Variants in DYNC2H1 observed in about 807,000 individuals in gnomAD.
The protein encoded by DYNC2H1 is dynein cytoplasmic 2 heavy chain 1.
A neutral mutation model predicts 570.0 loss-of-function variants in DYNC2H1; 410 were observed. The ratio of observed to expected loss-of-function variants is 0.72; its 90% CI spans 0.66 to 0.78. The LOEUF (loss-of-function observed/expected upper bound fraction) is 0.78, where lower values mean the gene tolerates loss of function less well. Ranked by LOEUF, DYNC2H1 falls within the 30% of genes least tolerant of loss-of-function variation. The pLI is 0.00. For missense variants in DYNC2H1, 4,865 were observed against 5,046.4 expected, an observed-to-expected ratio of 0.96 and a Z score of 1.09; for synonymous variants, 1,688 against 1,677.6, an observed-to-expected ratio of 1.01 and a Z score of -0.15.
rs377529350 is a variant in DYNC2H1, at chr11:103,113,632, T to A, written c.291T>A (p.Val97=). ...AGAATCTACATGATAACATTCTTGT[T>A]TCATCTATGTTAGAGTCACCTATTA... The part of the protein sequence containing the change: ...TDENLHDNIL[V]SSMLESPISS... The change falls in exon 2 of 89, where the codon GTT becomes GTA. Residue 97 remains valine (V), a synonymous_variant. Coordinates refer to ENST00000375735, the MANE Select transcript of DYNC2H1 (RefSeq NM_001377.3). The A allele has an allele frequency of 7.7e-5, 122 of 1,575,934 alleles. No individual in the cohort carries two copies. The highest frequency in any genetic ancestry group is 1.0e-4 in the Non-Finnish European group (118 of 1,166,528).
At chr11:103,459,308 CAAAAAAAA>C (rs33941099) in intron 87 of DYNC2H1, among the ~76,000 whole-genome samples, 109 of 52,436 alleles carry the variant, frequency 2.1e-3, no homozygotes, top group Admixed American at 8.3e-3. Context: ...GACTCCGTCT[CAAAAAAAA>C]AAAAAAAAAA....
At chr11:103,331,195 TAAAA>T (rs1938769790) in intron 82 of DYNC2H1, among the ~76,000 whole-genome samples, 1 of 152,154 alleles carries the variant, frequency 6.6e-6, no homozygotes, top group African/African-American at 2.4e-5. Context: ...AATAAATAGT[TAAAA>T]AATAAATTCT....
In DYNC2H1 at chr11:103,243,983, G is replaced by A. The variant is rs1200253314; in HGVS notation, c.9918+192G>A. Among the ~76,000 whole-genome samples the A allele has an allele frequency of 6.6e-6, 1 of 152,030 alleles. No individual in the cohort carries two copies. The highest frequency in any genetic ancestry group is 1.5e-5 in the Non-Finnish European group (1 of 67,964). ...GATAAGAATATTTATTTGATTCTGG[G>A]TATTGATCTAAGCCCTGGGAATTTA... On this transcript the variant is annotated intron_variant, in intron 64 of 88. Transcript: ENST00000375735. This position sits in a 1 kb window ranked among gnomAD's most constrained non-coding sequence, Gnocchi z 4.8.
At chr11:103,272,344 G>A (rs1208882730) in intron 70 of DYNC2H1, among the ~76,000 whole-genome samples, 17 of 152,154 alleles carry the variant, frequency 1.1e-4, no homozygotes, top group Non-Finnish European at 2.2e-4. Context: ...AACACTGCGT[G>A]TTCTCACTCA....
chr11:103,209,775 A>G lies in DYNC2H1; in HGVS notation c.8455-101A>G. On this transcript the variant is annotated intron_variant, in intron 52 of 88. Coordinates refer to ENST00000375735, the MANE Select transcript of DYNC2H1 (RefSeq NM_001377.3). The surrounding 1 kb of genome is among the most constrained non-coding windows in gnomAD (Gnocchi z 4.2). ...TCTCTTAGTCTGGAATGAATCCTAGAAGAAAAGTACAATCAATACTGACTT... is the reference window on the plus strand; with the variant it reads ...TCTCTTAGTCTGGAATGAATCCTAGGAGAAAAGTACAATCAATACTGACTT... 1 of 883,832 alleles carries G rather than the reference A, an allele frequency of 1.1e-6. No homozygotes were observed. Among genetic ancestry groups the G allele is most frequent in the Non-Finnish European group, 1.5e-6 (1 of 654,582 alleles). 54.7% of individuals were successfully genotyped at this position (883,832 alleles called of 1,614,324 possible).
At chr11:103,336,143 C>T (rs974626178) in intron 82 of DYNC2H1, among the ~76,000 whole-genome samples, 2 of 152,032 alleles carry the variant, frequency 1.3e-5, no homozygotes, top group African/African-American at 2.4e-5. Context: ...GTATTCTTCT[C>T]TTGTTTTGTA....
chr11:103,186,305 T>C lies in DYNC2H1; in HGVS notation c.6697T>C (p.Ser2233Pro), dbSNP rs375988913. ...FHKPMDTYYD[S>P]TRGRLATYVL... The stretch of plus-strand genomic sequence containing the variant: ...CAAACCTATGGATACCTACTATGAC[T>C]CTACTAGGGGTCGATTAGCAACATA... The change falls in exon 42 of 89, where the codon TCT (serine) becomes CCT (proline). Residue 2233 changes from serine (S) to proline (P), a missense_variant. By Grantham distance (74) the Ser-to-Pro change is moderately conservative. Transcript: ENST00000375735. The surrounding 1 kb of genome is among the most constrained non-coding windows in gnomAD (Gnocchi z 4.5). 4.8e-5 allele frequency: 78 copies of C among 1,612,546 alleles called. No homozygotes were observed. Among genetic ancestry groups the C allele is most frequent in the Non-Finnish European group, 5.4e-5 (64 of 1,179,078 alleles).
chr11:103,454,032 GT>G (rs1314351842), intron 85 of DYNC2H1, among the ~76,000 whole-genome samples: 6 of 151,962 alleles, frequency 3.9e-5, no homozygotes, highest in Admixed American at 1.3e-4. Flanking sequence ...TTATTCATTG[GT>G]AGAGGAACAT....
Position 103,468,095 on chromosome 11 carries a change from A to T in DYNC2H1, c.12649-494A>T, listed in dbSNP as rs570070420. ...GATTTCTTATATCTACACCAAGGTT[A>T]CCTTAAAGACATGAATTCTTTCTTC... On this transcript the variant is annotated intron_variant, in intron 87 of 88. Coordinates refer to ENST00000375735, the MANE Select transcript of DYNC2H1 (RefSeq NM_001377.3). Among the ~76,000 whole-genome samples the T allele has an allele frequency of 4.5e-4, 68 of 152,342 alleles. No homozygotes were observed. The Middle Eastern group carries it at 0.017, about 38-fold the overall frequency.
chr11:103,453,467 T>A (rs1052497220), intron 85 of DYNC2H1, among the ~76,000 whole-genome samples: 5 of 151,902 alleles, frequency 3.3e-5, no homozygotes, highest in African/African-American at 1.2e-4. Flanking sequence ...AAATAACACA[T>A]TTGCATTAGT....
Position 103,395,492 on chromosome 11 carries a change from T to TACACAC in DYNC2H1, c.12157-4152_12157-4147dup, listed in dbSNP as rs35986938. The stretch of plus-strand genomic sequence containing the variant: ...TATCATATATATATTTATGTATATG[T>TACACAC]ACACACACACACACACACACACACT... On this transcript the variant is annotated intron_variant, in intron 83 of 88. Transcript: ENST00000375735. This position sits in a 1 kb window ranked among gnomAD's most constrained non-coding sequence, Gnocchi z 4.3. Among the ~76,000 whole-genome samples the TACACAC allele has an allele frequency of 8.0e-3, 1,195 of 149,918 alleles. 12 individuals carry two copies. The highest frequency in any genetic ancestry group is 0.028 in the African/African-American group (1,145 of 40,790).
At chr11:103,346,444 A>G (rs183301072) in intron 82 of DYNC2H1, among the ~76,000 whole-genome samples, 99 of 152,346 alleles carry the variant, frequency 6.5e-4, no homozygotes, top group Middle Eastern at 3.4e-3. Flanking sequence ...ACAGTGTAAT[A>G]ACTTCTGATT....
rs537160980 is a variant in DYNC2H1, at chr11:103,466,830, T to A, written c.12649-1759T>A. On this transcript the variant is annotated intron_variant, in intron 87 of 88. Coordinates refer to ENST00000375735, the MANE Select transcript of DYNC2H1 (RefSeq NM_001377.3). ...AAGTAAGAGTATAGATTGATAGAGTTACTTTGGGGAATAATTTGTCAATAT... is the reference window on the plus strand; with the variant it reads ...AAGTAAGAGTATAGATTGATAGAGTAACTTTGGGGAATAATTTGTCAATAT... Among the ~76,000 whole-genome samples the A allele has an allele frequency of 6.6e-5, 10 of 152,290 alleles. No individual in the cohort carries two copies. In the South Asian group the frequency reaches 2.1e-3, roughly 32 times the overall value.
intron 36 of DYNC2H1, among the ~76,000 whole-genome samples, chr11:103,174,959 A>G (rs1412798825): frequency 6.6e-6 from 1 of 151,896 alleles, no homozygotes; most frequent in Non-Finnish European, 1.5e-5. Context: ...GGTGGGGGGT[A>G]GTATCTTCAT....
rs988629648 is a variant in DYNC2H1, at chr11:103,220,425, G to A, written c.8947-198G>A. On this transcript the variant is annotated intron_variant, in intron 56 of 88. Transcript: ENST00000375735. ...TTCCAAATTAGGTTATTGCAGTTGTGGTGGCAAGACGTCTTACTGTCTCAA... is the reference window on the plus strand; with the variant it reads ...TTCCAAATTAGGTTATTGCAGTTGTAGTGGCAAGACGTCTTACTGTCTCAA... 3.3e-5 allele frequency among the ~76,000 whole-genome samples: 5 copies of A among 152,148 alleles called. No individual in the cohort carries two copies. In the South Asian group the frequency reaches 8.3e-4, roughly 25 times the overall value.
In DYNC2H1 at chr11:103,249,408, T is replaced by C. The variant is rs1864745696; in HGVS notation, c.10043-3877T>C. Among the ~76,000 whole-genome samples the C allele has an allele frequency of 6.6e-6, 1 of 151,972 alleles. No homozygotes were observed. Among genetic ancestry groups the C allele is most frequent in the Admixed American group, 6.6e-5 (1 of 15,224 alleles). ...GTAAAGAAAAGAATACCTAAATTTA[T>C]AGCTAATGAATTTTTACAAATTGAA... On this transcript the variant is annotated intron_variant, in intron 65 of 88. Coordinates refer to ENST00000375735, the MANE Select transcript of DYNC2H1 (RefSeq NM_001377.3). The surrounding 1 kb of genome is among the most constrained non-coding windows in gnomAD (Gnocchi z 4.6).
At chr11:103,255,312 C>T in intron 66 of DYNC2H1, 103 bp from the exon 67 acceptor site, 1 of 1,241,702 alleles carries the variant, frequency 8.1e-7, no homozygotes, top group South Asian at 1.5e-5. Context: ...AACATAGTAT[C>T]ATATTTGTAA....
chr11:103,475,632 A>G (rs1041211427), intron 88 of DYNC2H1, among the ~76,000 whole-genome samples: 3 of 152,226 alleles, frequency 2.0e-5, no homozygotes, highest in Non-Finnish European at 4.4e-5. Flanking sequence ...CAAAATATCA[A>G]GAAGCCACTG....
At chr11:103,328,105 G>A (rs1389865696) in intron 82 of DYNC2H1, among the ~76,000 whole-genome samples, 1 of 152,064 alleles carries the variant, frequency 6.6e-6, no homozygotes, top group Non-Finnish European at 1.5e-5. Flanking sequence ...ATCGTAATAT[G>A]ATCTAATTTC....
Sources: allele counts gnomAD v4.1 joint callset (sites outside exome capture counted in the v4.1 genomes callset), GRCh38; gene constraint gnomAD v4.1.1; non-coding constraint Gnocchi (gnomAD v3.1); transcripts MANE v1.5; gene names NCBI Gene and HGNC (gene_info 2026-07-23, HGNC 2026-07-21).